The following PDE4D variants were observed in gnomAD, a reference collection of about 807,000 sequenced individuals.
PDE4D encodes 3',5'-cyclic-AMP phosphodiesterase 4D.
PDE4D carries 24 observed loss-of-function variants against 87.4 expected under a neutral mutation model. That is an observed-to-expected ratio of 0.27 (90% CI 0.20 to 0.39). PDE4D has a LOEUF of 0.39. PDE4D is among the 10% of genes least tolerant of loss of function. PDE4D has a pLI of 1.00. For synonymous variants in PDE4D, 384 were observed against 383.2 expected (o/e 1.00, Z -0.02); for missense variants, 714 against 1,041.0 (o/e 0.69, Z 4.32).
rs570400313 is a variant in PDE4D, at chr5:58,982,719, G to C, written c.1553-5374C>G. ...AATAGTCATAGCCAGGTCAGCCTTG[G>C]TGAGTGGAAGTCCATGTTTCTAAGC... On this transcript the variant is annotated intron_variant, in intron 11 of 14. Coordinates refer to ENST00000340635, the MANE Select transcript of PDE4D (RefSeq NM_001104631.2). Among the ~76,000 whole-genome samples the C allele has an allele frequency of 1.2e-4, 19 of 152,272 alleles. 1 individual carries two copies. Among genetic ancestry groups the C allele is most frequent in the Admixed American group, 1.2e-3 (19 of 15,288 alleles).
chr5:60,160,924 T>C (rs2149462158), intron 2 of PDE4D: 1 of 374,958 alleles, frequency 2.7e-6, no homozygotes, highest in Non-Finnish European at 5.2e-6. Flanking sequence ...CATCTTAAAT[T>C]TATAAGTCAA....
At chr5:60,109,570 A>T (rs950637910) in intron 2 of PDE4D, among the ~76,000 whole-genome samples, 6 of 152,030 alleles carry the variant, frequency 3.9e-5, no homozygotes, top group African/African-American at 1.5e-4. Context: ...ACGTATGTTT[A>T]TTGTGGCACT....
intron 2 of PDE4D, among the ~76,000 whole-genome samples, chr5:60,156,234 A>G (rs1358483812): frequency 6.6e-6 from 1 of 152,174 alleles, no homozygotes; most frequent in Non-Finnish European, 1.5e-5. Context: ...CTGTTTGTTT[A>G]TCGTGTTTGA....
intron 1 of PDE4D, among the ~76,000 whole-genome samples, chr5:59,497,670 C>A (rs1807474957): frequency 6.6e-6 from 1 of 151,896 alleles, no homozygotes; most frequent in South Asian, 2.1e-4. Context: ...ATTAATAAAA[C>A]CTTCAATAAA....
chr5:59,123,908 G>A (rs1366123517), intron 5 of PDE4D, among the ~76,000 whole-genome samples: 1 of 152,046 alleles, frequency 6.6e-6, no homozygotes, highest in Admixed American at 6.6e-5. Context: ...TAAATTCCCT[G>A]AGCACCAGCT....
At chr5:59,350,584 A>G (rs1282648462) in intron 1 of PDE4D, among the ~76,000 whole-genome samples, 6 of 152,174 alleles carry the variant, frequency 3.9e-5, no homozygotes, top group Non-Finnish European at 5.9e-5. Context: ...CATTCAATAC[A>G]CAAACGCCAA....
chr5:59,778,811 G>T (rs887505309), intron 1 of PDE4D, among the ~76,000 whole-genome samples: 3 of 152,144 alleles, frequency 2.0e-5, no homozygotes, highest in Non-Finnish European at 4.4e-5. Flanking sequence ...AGGCTAAAAA[G>T]GTAGGGTGTT....
At chr5:59,886,509 A>T (rs1422896599) in intron 1 of PDE4D, among the ~76,000 whole-genome samples, 4 of 151,986 alleles carry the variant, frequency 2.6e-5, no homozygotes, top group African/African-American at 4.8e-5. Flanking sequence ...AAATAAAAAT[A>T]AAAAATAAAA....
intron 2 of PDE4D, among the ~76,000 whole-genome samples, chr5:60,102,186 T>C (rs1283519581): frequency 6.6e-6 from 1 of 152,210 alleles, no homozygotes; most frequent in African/African-American, 2.4e-5. Flanking sequence ...AGTAGGTCAC[T>C]GGGACTCTTA....
intron 1 of PDE4D, among the ~76,000 whole-genome samples, chr5:60,320,380 C>T (rs1458956843): frequency 6.6e-6 from 1 of 152,192 alleles, no homozygotes; most frequent in African/African-American, 2.4e-5. Flanking sequence ...TGCCGTCTGT[C>T]ACCCCTTTCT....
At chr5:59,454,645 G>A (rs1247005239) in intron 1 of PDE4D, among the ~76,000 whole-genome samples, 1 of 152,198 alleles carries the variant, frequency 6.6e-6, no homozygotes, top group African/African-American at 2.4e-5. Flanking sequence ...CTGAAAGTGT[G>A]GAAGTGACTT....
At chr5:60,124,813 A>G (rs772478747) in intron 2 of PDE4D, among the ~76,000 whole-genome samples, 5 of 151,722 alleles carry the variant, frequency 3.3e-5, no homozygotes, top group Non-Finnish European at 7.4e-5. Context: ...TGTTTATAGT[A>G]CTCCACTGAA....
At chr5:59,336,843 C>CCTA (rs1777744241) in intron 1 of PDE4D, among the ~76,000 whole-genome samples, 1 of 152,144 alleles carries the variant, frequency 6.6e-6, no homozygotes, top group African/African-American at 2.4e-5. Flanking sequence ...GGGTCTCCTG[C>CCTA]CTACCAAGAA....
At chr5:59,137,410 G>T (rs1260349839) in intron 5 of PDE4D, among the ~76,000 whole-genome samples, 2 of 151,492 alleles carry the variant, frequency 1.3e-5, no homozygotes, top group African/African-American at 2.4e-5. Flanking sequence ...TCAAGGCAAA[G>T]AAAAACTTCA....
At chr5:59,257,095 C>T (rs1283228763) in intron 1 of PDE4D, among the ~76,000 whole-genome samples, 2 of 151,996 alleles carry the variant, frequency 1.3e-5, no homozygotes, top group Non-Finnish European at 2.9e-5. Context: ...CAATGCAATA[C>T]ATTTCATACT....
intron 9 of PDE4D, among the ~76,000 whole-genome samples, chr5:58,990,569 T>C (rs933891446): frequency 2.0e-5 from 3 of 152,184 alleles, no homozygotes; most frequent in African/African-American, 7.2e-5. Context: ...TTTGGCTATA[T>C]CACATCTTTT....
intron 1 of PDE4D, among the ~76,000 whole-genome samples, chr5:59,697,171 G>T (rs1292795727): frequency 6.6e-6 from 1 of 152,172 alleles, no homozygotes; most frequent in East Asian, 1.9e-4. Context: ...ACTGAATAAA[G>T]TTATTCATCC....
At chr5:59,108,692 T>C (rs1580835005) in intron 5 of PDE4D, among the ~76,000 whole-genome samples, 1 of 152,034 alleles carries the variant, frequency 6.6e-6, no homozygotes, top group South Asian at 2.1e-4. Flanking sequence ...TCAGGAGTTC[T>C]AGACCAGCCT....
intron 1 of PDE4D, among the ~76,000 whole-genome samples, chr5:59,829,253 A>G (rs918854435): frequency 6.6e-6 from 1 of 152,056 alleles, no homozygotes; most frequent in African/African-American, 2.4e-5. Flanking sequence ...ATTAGAATAG[A>G]TACTTTTTTT....
Sources: gnomAD v4.1 joint callset for allele counts (sites outside exome capture counted in the v4.1 genomes callset) on GRCh38, gnomAD v4.1.1 for gene constraint, MANE v1.5 for transcripts, NCBI Gene and HGNC (gene_info 2026-07-23, HGNC 2026-07-21) for gene names.